The following ZNF407 variants were observed in gnomAD, a reference collection of about 807,000 sequenced individuals.
ZNF407 encodes the protein zinc finger protein 407.
In ZNF407, 17 loss-of-function variants were observed where a neutral mutation model predicts 131.2. That is an observed-to-expected ratio of 0.13 (90% confidence interval 0.09 to 0.19). The LOEUF (loss-of-function observed/expected upper bound fraction) is 0.19. ZNF407 is among the 10% of genes least tolerant of loss of function. The pLI is 1.00. For missense variants in ZNF407, 2,681 were observed against 2,830.6 expected (o/e 0.95, Z 1.20); for synonymous variants, 1,156 against 1,062.0 (o/e 1.09, Z -1.72).
chr18:74,622,946 C>T (rs1159916909), intron 1 of ZNF407, among the ~76,000 whole-genome samples: 6 of 151,154 alleles, frequency 4.0e-5, no homozygotes, highest in Non-Finnish European at 8.8e-5. Context: ...GTGTATATAT[C>T]TGTGTGTCAG....
chr18:74,657,843 C>T (rs910686563), intron 3 of ZNF407, among the ~76,000 whole-genome samples: 4 of 151,892 alleles, frequency 2.6e-5, no homozygotes, highest in African/African-American at 9.7e-5. Flanking sequence ...GGAATTCCTC[C>T]CCATCCTCTC....
At chr18:74,908,318 A>T (rs990008168) in intron 7 of ZNF407, among the ~76,000 whole-genome samples, 5 of 152,088 alleles carry the variant, frequency 3.3e-5, no homozygotes, top group Non-Finnish European at 7.4e-5. Context: ...CATTTTTGTA[A>T]TTTGGTTTCC....
At chr18:74,987,086 A>G (rs1972661632) in intron 8 of ZNF407, among the ~76,000 whole-genome samples, 1 of 152,174 alleles carries the variant, frequency 6.6e-6, no homozygotes, top group Non-Finnish European at 1.5e-5. Flanking sequence ...TAAACATCAT[A>G]TAAGTGTTTC....
At chr18:74,859,243 C>T (rs1970902989) in intron 4 of ZNF407, among the ~76,000 whole-genome samples, 1 of 152,138 alleles carries the variant, frequency 6.6e-6, no homozygotes, top group Admixed American at 6.5e-5. Context: ...TAATTGTTTA[C>T]CATTATAAGT....
At chr18:74,822,970 A>G (rs1487507310) in intron 4 of ZNF407, among the ~76,000 whole-genome samples, 2 of 152,172 alleles carry the variant, frequency 1.3e-5, no homozygotes, top group East Asian at 3.8e-4. Context: ...TTCTCCTTGA[A>G]GAGGTCCTTC....
At chr18:74,923,088 AT>A (rs1209140423) in intron 8 of ZNF407, among the ~76,000 whole-genome samples, 2 of 151,848 alleles carry the variant, frequency 1.3e-5, no homozygotes, top group African/African-American at 4.8e-5. Context: ...GATTTATTGT[AT>A]TTTTTTCAGT....
At chr18:74,683,735 T>A (rs949054778) in intron 3 of ZNF407, among the ~76,000 whole-genome samples, 3 of 152,216 alleles carry the variant, frequency 2.0e-5, no homozygotes, top group Non-Finnish European at 4.4e-5. Flanking sequence ...TGTCTTTGTA[T>A]ACTAACTCAG....
At chr18:74,842,410 T>G (rs1205588017) in intron 4 of ZNF407, among the ~76,000 whole-genome samples, 1 of 152,210 alleles carries the variant, frequency 6.6e-6, no homozygotes, top group Non-Finnish European at 1.5e-5. Flanking sequence ...TTTCAAAAAT[T>G]TTTAAATTCC....
intron 3 of ZNF407, among the ~76,000 whole-genome samples, chr18:74,651,230 G>T (rs1043343774): frequency 6.6e-6 from 1 of 152,076 alleles, no homozygotes; most frequent in Non-Finnish European, 1.5e-5. Context: ...TATGAAGAGC[G>T]ATGGAATTTA....
chr18:74,674,264 G>T (rs1986266086), intron 3 of ZNF407, among the ~76,000 whole-genome samples: 1 of 152,138 alleles, frequency 6.6e-6, no homozygotes, highest in Non-Finnish European at 1.5e-5. Context: ...ATATGGCTGT[G>T]GTGGCTCGTG....
intron 3 of ZNF407, among the ~76,000 whole-genome samples, chr18:74,673,721 T>A (rs996822813): frequency 1.3e-5 from 2 of 152,206 alleles, no homozygotes; most frequent in African/African-American, 4.8e-5. Context: ...AGTAGAAAAA[T>A]TCTGTGTTAA....
chr18:74,740,494 G>C (rs983009007), intron 3 of ZNF407, among the ~76,000 whole-genome samples: 1 of 152,170 alleles, frequency 6.6e-6, no homozygotes, highest in African/African-American at 2.4e-5. Flanking sequence ...TGTTACATCT[G>C]TCTGCCAACC....
intron 3 of ZNF407, among the ~76,000 whole-genome samples, chr18:74,698,840 C>T (rs1967423172): frequency 6.6e-6 from 1 of 152,100 alleles, no homozygotes; most frequent in African/African-American, 2.4e-5. Flanking sequence ...CTCACTGGGC[C>T]ATTAATGCTC....
chr18:74,798,209 A>AACACACACACAC (rs35388545), intron 4 of ZNF407, among the ~76,000 whole-genome samples: 6,321 of 147,826 alleles, frequency 0.043, 141 homozygotes, highest in African/African-American at 0.062. Context: ...CCTTTACACA[A>AACACACACACAC]ACACACACAC....
At chr18:74,804,607 A>T in intron 4 of ZNF407, 1 of 984,722 alleles carries the variant, frequency 1.0e-6, no homozygotes, top group African/African-American at 1.7e-5. Flanking sequence ...ACAGAAAGTA[A>T]TTAAAATGCT....
intron 3 of ZNF407, among the ~76,000 whole-genome samples, chr18:74,659,053 A>G (rs1985602442): frequency 6.6e-6 from 1 of 152,124 alleles, no homozygotes; most frequent in Admixed American, 6.5e-5. Flanking sequence ...CCAGATTTAC[A>G]TTCTCTGGGT....
intron 8 of ZNF407, among the ~76,000 whole-genome samples, chr18:74,943,688 C>T (rs901534074): frequency 2.0e-5 from 3 of 152,110 alleles, no homozygotes; most frequent in Non-Finnish European, 2.9e-5. Flanking sequence ...GACTATTTCC[C>T]GTGAAGTAAC....
intron 3 of ZNF407, among the ~76,000 whole-genome samples, chr18:74,707,240 C>G (rs1053654765): frequency 2.0e-5 from 3 of 152,134 alleles, no homozygotes; most frequent in African/African-American, 4.8e-5. Flanking sequence ...AGTGAGTCAC[C>G]GTACCCAGCT....
intron 3 of ZNF407, among the ~76,000 whole-genome samples, chr18:74,755,350 G>A (rs1269298961): frequency 1.3e-5 from 2 of 151,904 alleles, no homozygotes; most frequent in Non-Finnish European, 2.9e-5. Context: ...TTACATTTAA[G>A]GTTAATATTG....
Sources: gnomAD v4.1 joint callset for allele counts (sites outside exome capture counted in the v4.1 genomes callset) on GRCh38, gnomAD v4.1.1 for gene constraint, MANE v1.5 for transcripts, NCBI Gene and HGNC (gene_info 2026-07-23, HGNC 2026-07-21) for gene names.